Variants in NRG3 observed in about 807,000 individuals in gnomAD.
NRG3 encodes the protein neuregulin 3.
NRG3 carries 31 observed loss-of-function variants against 66.9 expected under a neutral mutation model. That is an observed-to-expected ratio of 0.46 (90% CI 0.35 to 0.63). The LOEUF (loss-of-function observed/expected upper bound fraction) is 0.63, where lower values mean the gene tolerates loss of function less well. NRG3 is among the 20% of genes least tolerant of loss of function. The pLI is 0.00. For missense variants in NRG3, 910 were observed against 878.9 expected, an observed-to-expected ratio of 1.04 and a Z score of -0.45; for synonymous variants, 393 against 359.4, an observed-to-expected ratio of 1.09 and a Z score of -1.06.
intron 4 of NRG3, among the ~76,000 whole-genome samples, chr10:82,947,377 T>C (rs1482592410): frequency 1.3e-5 from 2 of 152,284 alleles, no homozygotes; most frequent in South Asian, 2.1e-4. Flanking sequence ...CCTTGGGTTA[T>C]TTCCAGTTTG....
intron 2 of NRG3, among the ~76,000 whole-genome samples, chr10:82,398,822 A>G (rs140453031): frequency 6.6e-6 from 1 of 152,142 alleles, no homozygotes; most frequent in Non-Finnish European, 1.5e-5. Flanking sequence ...AGGACCTGCC[A>G]TGATGCCCTG....
chr10:82,572,750 T>C (rs2045817248), intron 2 of NRG3, among the ~76,000 whole-genome samples: 1 of 151,748 alleles, frequency 6.6e-6, no homozygotes, highest in African/African-American at 2.4e-5. Flanking sequence ...AAGAAATGTC[T>C]CAGCTGAAAC....
chr10:82,342,397 G>A (rs926180761), intron 1 of NRG3, among the ~76,000 whole-genome samples: 9 of 151,996 alleles, frequency 5.9e-5, no homozygotes. Context: ...CAACGTATTA[G>A]CATTCCCTTT....
intron 4 of NRG3, among the ~76,000 whole-genome samples, chr10:82,884,288 G>C (rs1462899923): frequency 1.3e-5 from 2 of 152,032 alleles, no homozygotes; most frequent in East Asian, 3.9e-4. Flanking sequence ...ATATATTTAT[G>C]ATGATTTACT....
At chr10:82,852,744 A>G (rs1231920292) in intron 3 of NRG3, among the ~76,000 whole-genome samples, 1 of 152,216 alleles carries the variant, frequency 6.6e-6, no homozygotes, top group Non-Finnish European at 1.5e-5. Flanking sequence ...ACATCTGCAG[A>G]CCACATCGAA....
At chr10:82,306,027 T>G (rs1169365415) in intron 1 of NRG3, among the ~76,000 whole-genome samples, 2 of 152,254 alleles carry the variant, frequency 1.3e-5, no homozygotes, top group Non-Finnish European at 2.9e-5. Context: ...TGTTACTGTT[T>G]TATTGATTTT....
chr10:82,854,442 G>C (rs2063710176), intron 3 of NRG3, among the ~76,000 whole-genome samples: 1 of 152,200 alleles, frequency 6.6e-6, no homozygotes, highest in East Asian at 1.9e-4. Flanking sequence ...GGGAAAAGGG[G>C]AGAAAGGGTG....
chr10:82,126,082 A>G (rs1289880997), intron 1 of NRG3, among the ~76,000 whole-genome samples: 3 of 152,022 alleles, frequency 2.0e-5, no homozygotes, highest in Non-Finnish European at 4.4e-5. Flanking sequence ...TCGCCATAGA[A>G]AAGATTAGTC....
chr10:82,945,862 A>T (rs1481973318), intron 4 of NRG3, among the ~76,000 whole-genome samples: 1 of 152,140 alleles, frequency 6.6e-6, no homozygotes, highest in Non-Finnish European at 1.5e-5. Flanking sequence ...CAGAGTTTGG[A>T]TGTGGGTGGG....
At chr10:82,747,805 C>G (rs539517782) in intron 3 of NRG3, among the ~76,000 whole-genome samples, 1 of 151,552 alleles carries the variant, frequency 6.6e-6, no homozygotes, top group African/African-American at 2.4e-5. Context: ...AAAAGTTTTG[C>G]CTTTTATGGA....
chr10:82,657,982 G>T (rs1260578881), intron 2 of NRG3, among the ~76,000 whole-genome samples: 1 of 150,088 alleles, frequency 6.7e-6, no homozygotes, highest in Admixed American at 6.6e-5. Flanking sequence ...TGAAACAAAA[G>T]AAAATCTGAT....
chr10:82,259,816 C>T (rs2077926695), intron 1 of NRG3, among the ~76,000 whole-genome samples: 1 of 152,048 alleles, frequency 6.6e-6, no homozygotes, highest in South Asian at 2.1e-4. Flanking sequence ...CCTATAGTCC[C>T]AACTACTCAG....
intron 2 of NRG3, among the ~76,000 whole-genome samples, chr10:82,467,659 G>A (rs555655255): frequency 3.3e-5 from 5 of 152,236 alleles, no homozygotes; most frequent in African/African-American, 1.2e-4. Flanking sequence ...GAATAGTAGG[G>A]CACTCACTGG....
intron 1 of NRG3, among the ~76,000 whole-genome samples, chr10:81,956,026 T>C (rs533130864): frequency 3.3e-5 from 5 of 152,324 alleles, no homozygotes; most frequent in Non-Finnish European, 5.9e-5. Context: ...ATTGTATTTC[T>C]CCAAATGACC....
At chr10:82,830,812 C>G (rs1168170989) in intron 3 of NRG3, among the ~76,000 whole-genome samples, 1 of 152,058 alleles carries the variant, frequency 6.6e-6, no homozygotes, top group Non-Finnish European at 1.5e-5. Context: ...AGGTTGAGTT[C>G]CTAAAGCCAT....
In NRG3 at chr10:82,007,061, G is replaced by A. The variant is rs538795446; in HGVS notation, c.823+130898G>A. ...GGCATATGAGCATGATATATAGCTC[G>A]TTTGCTTATGTCTTTTTATGGCATT... On this transcript the variant is annotated intron_variant, in intron 1 of 8. Coordinates refer to ENST00000372141, the MANE Select transcript of NRG3 (RefSeq NM_001010848.4). 8.6e-5 allele frequency among the ~76,000 whole-genome samples: 13 copies of A among 151,922 alleles called. No individual in the cohort carries two copies. The South Asian group carries it at 1.7e-3, about 19-fold the overall frequency.
At chr10:82,403,178 C>T (rs554415034) in intron 2 of NRG3, among the ~76,000 whole-genome samples, 4 of 152,244 alleles carry the variant, frequency 2.6e-5, no homozygotes, top group African/African-American at 9.6e-5. Flanking sequence ...TTCATAAAAG[C>T]ATTGACTTAA....
At chr10:82,608,663 C>A (rs906301068) in intron 2 of NRG3, among the ~76,000 whole-genome samples, 1 of 152,062 alleles carries the variant, frequency 6.6e-6, no homozygotes, top group Non-Finnish European at 1.5e-5. Flanking sequence ...TGTTCTCAAC[C>A]CCTCTTCCCT....
At chr10:82,938,021 T>C (rs562788705) in intron 4 of NRG3, among the ~76,000 whole-genome samples, 1 of 152,350 alleles carries the variant, frequency 6.6e-6, no homozygotes, top group South Asian at 2.1e-4. Flanking sequence ...TAATATTTTA[T>C]AGCTATTCTG....
Sources: allele counts gnomAD v4.1 joint callset (sites outside exome capture counted in the v4.1 genomes callset), GRCh38; gene constraint gnomAD v4.1.1; transcripts MANE v1.5; gene names NCBI Gene and HGNC (gene_info 2026-07-23, HGNC 2026-07-21).